The following REN variants were observed in gnomAD, a reference collection of about 807,000 sequenced individuals.
REN encodes the protein renin.
REN carries 42 observed loss-of-function variants against 48.6 expected under a neutral mutation model. That is an observed-to-expected ratio of 0.86 (90% CI 0.68 to 1.12). The LOEUF is 1.12. Among genes scored for constraint, REN ranks in the 50% most tolerant of loss-of-function variants. REN has a pLI of 0.00. For synonymous variants in REN, 196 were observed against 204.6 expected, an observed-to-expected ratio of 0.96 and a Z score of 0.36; for missense variants, 443 against 527.3, an observed-to-expected ratio of 0.84 and a Z score of 1.57.
intron 6 of REN, 33 bp downstream of exon 6, chr1:204,157,328 G>A (rs774421318): frequency 6.2e-7 from 1 of 1,614,000 alleles, no homozygotes. Flanking sequence ...AGTACTGGAA[G>A]GTCACAGCCA....
At chr1:204,157,173 G>T (rs1658165039) in intron 6 of REN, among the ~76,000 whole-genome samples, 188 bp downstream of exon 6, 2 of 152,188 alleles carry the variant, frequency 1.3e-5, no homozygotes, top group Non-Finnish European at 2.9e-5. Flanking sequence ...GGGGACCCTG[G>T]GGAGGCTATT....
At position 204,156,220 on chromosome 1, in the gene REN, C is replaced by T; in HGVS notation, c.918G>A (p.Glu306=). ...SYISGSTSSI[E]KLMEALGAKK... ...TGGCTCCCAAGGCCTCCATGAGCTT[C>T]TCTATGGAGCTGGTAGAACCTGAGA... The change falls in exon 8 of 10, where the codon GAG becomes GAA. Residue 306 remains glutamate (E), a synonymous_variant. Coordinates refer to ENST00000272190, the MANE Select transcript of REN (RefSeq NM_000537.4). The surrounding 1 kb of genome is among the most constrained non-coding windows in gnomAD (Gnocchi z 4.2). 6.2e-7 allele frequency: 1 copy of T among 1,614,240 alleles called. No homozygotes were observed. Among genetic ancestry groups the T allele is most frequent in the Non-Finnish European group, 8.5e-7 (1 of 1,180,036 alleles).
In REN at chr1:204,156,666, G is replaced by C; in HGVS notation, c.818+11C>G. ...TTTTTTGGAGCCCGGGGAGGGTTGA[G>C]GATTTCTGACCCCTTCATTTGAATC... is the stretch of plus-strand genomic sequence containing the variant. On this transcript the variant is annotated intron_variant, in intron 7 of 9. Coordinates refer to ENST00000272190, the MANE Select transcript of REN (RefSeq NM_000537.4). This position sits in a 1 kb window ranked among gnomAD's most constrained non-coding sequence, Gnocchi z 4.2. 1 of 1,613,340 alleles carries C rather than the reference G, an allele frequency of 6.2e-7. No homozygotes were observed. The highest frequency in any genetic ancestry group is 8.5e-7 in the Non-Finnish European group (1 of 1,179,580).
At chr1:204,163,182 A>G (rs10900555) in intron 1 of REN, among the ~76,000 whole-genome samples, 63,286 of 151,858 alleles carry the variant, frequency 0.42, 13,818 homozygotes, top group African/African-American at 0.55. Context: ...CATACACACA[A>G]AGATTCCCTC....
rs3730103 is a variant in REN at position 204,156,859 on chromosome 1, T to C, written c.699-63A>G. 0.069 allele frequency: 110,213 copies of C among 1,603,728 alleles called. 6,059 individuals carry two copies. The highest frequency in any genetic ancestry group is 0.29 in the African/African-American group (22,027 of 74,830). On this transcript the variant is annotated intron_variant, in intron 6 of 9. Transcript: ENST00000272190. The surrounding 1 kb of genome is among the most constrained non-coding windows in gnomAD (Gnocchi z 4.2). ...CTCCAGGACCCAGCAACTCAGGCAA[T>C]TGGGGAAGGTTGCACAAGGGTGCAG...
At position 204,159,395 on chromosome 1, in the gene REN, C is replaced by A; in HGVS notation, c.689+4G>T. The A allele has an allele frequency of 1.2e-6, 2 of 1,613,974 alleles. No homozygotes were observed. Among genetic ancestry groups the A allele is most frequent in the East Asian group, 4.5e-5 (2 of 44,876 alleles). On this transcript the variant is annotated splice_donor_region_variant and intron_variant, in intron 5 of 9. Transcript: ENST00000272190. The stretch of plus-strand genomic sequence containing the variant: ...ACCTCAGCCCTTGGAGTCCCAGTCC[C>A]CACCTGTTGTAGTAGAAAGAGAAGA...
intron 4 of REN, 152 bp downstream of exon 4, chr1:204,160,408 C>T: frequency 1.4e-6 from 1 of 709,004 alleles, no homozygotes; most frequent in Non-Finnish European, 2.6e-6. Context: ...TTTGCAGCAA[C>T]AGCCAGATGT....
At chr1:204,158,761 A>G (rs149994165) in intron 5 of REN, among the ~76,000 whole-genome samples, 11 of 151,798 alleles carry the variant, frequency 7.2e-5, no homozygotes, top group African/African-American at 1.5e-4. Context: ...TGCCTGTGAC[A>G]CTCTTTATGT....
Position 204,157,833 on chromosome 1 carries a change from C to T in REN, c.690-464G>A, listed in dbSNP as rs550867493. ...CCCTCCTGCCTGTCTCTCAACACTT[C>T]AGTATCTCTCTGGATGTTCCCTCCT... On this transcript the variant is annotated intron_variant, in intron 5 of 9. Transcript: ENST00000272190. Among the ~76,000 whole-genome samples, 18 of 152,324 alleles carry T rather than the reference C, an allele frequency of 1.2e-4. 1 individual carries two copies. In the Middle Eastern group the frequency reaches 0.027, roughly 230 times the overall value.
intron 1 of REN, among the ~76,000 whole-genome samples, chr1:204,165,411 C>T (rs1658326364): frequency 6.6e-6 from 1 of 152,186 alleles, no homozygotes; most frequent in Non-Finnish European, 1.5e-5. Context: ...TATTATCATA[C>T]CTGTTTAAAA....
intron 1 of REN, among the ~76,000 whole-genome samples, chr1:204,163,362 T>G (rs1182993866): frequency 6.6e-6 from 1 of 152,232 alleles, no homozygotes; most frequent in African/African-American, 2.4e-5. Context: ...ATTTGTTATC[T>G]TCCTATCACA....
chr1:204,164,303 G>A (rs11578877), intron 1 of REN, among the ~76,000 whole-genome samples: 87 of 152,300 alleles, frequency 5.7e-4, no homozygotes, highest in Non-Finnish European at 1.0e-3. Context: ...TTGAGGCTTA[G>A]CCTCTTACAT....
intron 4 of REN, among the ~76,000 whole-genome samples, chr1:204,160,355 G>C (rs1658220692): frequency 2.0e-5 from 3 of 152,214 alleles, no homozygotes; most frequent in African/African-American, 4.8e-5. Flanking sequence ...CCACCCAACG[G>C]TGAGCCCGTA....
intron 9 of REN, among the ~76,000 whole-genome samples, 166 bp downstream of exon 9, chr1:204,155,654 G>T (rs1440238837): frequency 1.3e-5 from 2 of 152,038 alleles, no homozygotes; most frequent in African/African-American, 4.8e-5. Flanking sequence ...AATAGGTATG[G>T]GATGTGGCCC....
chr1:204,155,811 G>A lies in REN; in HGVS notation c.1059+9C>T, dbSNP rs769946411. On this transcript the variant is annotated intron_variant, in intron 9 of 9. Transcript: ENST00000272190. The stretch of plus-strand genomic sequence containing the variant: ...TCCCTGCCACCGAGGGGGCCGACTC[G>A]AACCTCACCTGAAATACATAGTCCG... The A allele has an allele frequency of 2.0e-5, 32 of 1,610,764 alleles. No homozygotes were observed. The highest frequency in any genetic ancestry group is 8.9e-5 in the East Asian group (4 of 44,856).
At chr1:204,163,055 T>C (rs548409236) in intron 1 of REN, among the ~76,000 whole-genome samples, 1 of 152,132 alleles carries the variant, frequency 6.6e-6, no homozygotes, top group East Asian at 1.9e-4. Context: ...CTATTTCCCA[T>C]ATAGGGTCCC....
intron 5 of REN, 143 bp from the exon 6 acceptor site, chr1:204,157,512 G>T: frequency 8.5e-7 from 1 of 1,171,862 alleles, no homozygotes; most frequent in Non-Finnish European, 1.3e-6. Context: ...CTTGCCTGAA[G>T]TTACCCAGTC....
rs1388698098 is a variant in REN, at chr1:204,156,547, T to C, written c.818+130A>G. On this transcript the variant is annotated intron_variant, in intron 7 of 9. Coordinates refer to ENST00000272190, the MANE Select transcript of REN (RefSeq NM_000537.4). The surrounding 1 kb of genome is among the most constrained non-coding windows in gnomAD (Gnocchi z 4.2). ...CTGGACAGAGCAGGCAGAGAGCAAA[T>C]GGTGGCTGTGCTTAAGAAGTGGCTG... The C allele has an allele frequency of 4.2e-6, 6 of 1,418,372 alleles. No individual in the cohort carries two copies. In the East Asian group the frequency reaches 1.4e-4, roughly 32 times the overall value. 87.9% of individuals were successfully genotyped at this position (1,418,372 alleles called of 1,614,324 possible).
In REN at chr1:204,155,345, C is replaced by G. The variant is rs11571123; in HGVS notation, c.1060-168G>C. On this transcript the variant is annotated intron_variant, in intron 9 of 9. Transcript: ENST00000272190. The stretch of plus-strand genomic sequence containing the variant: ...CATGGCCATTTTGCCCCATCGTGGA[C>G]TGCACCACTCCTATGTTTAGCCCCT... Among the ~76,000 whole-genome samples the G allele has an allele frequency of 8.9e-3, 1,348 of 152,274 alleles. 26 individuals carry two copies. The highest frequency in any genetic ancestry group is 0.031 in the African/African-American group (1,297 of 41,548).
Sources: allele counts gnomAD v4.1 joint callset (sites outside exome capture counted in the v4.1 genomes callset), GRCh38; gene constraint gnomAD v4.1.1; non-coding constraint Gnocchi (gnomAD v3.1); transcripts MANE v1.5; gene names NCBI Gene and HGNC (gene_info 2026-07-23, HGNC 2026-07-21).